Variants in DHX36 observed in about 807,000 individuals in gnomAD.
DHX36 encodes the protein DEAH-box helicase 36.
A neutral mutation model predicts 139.0 loss-of-function variants in DHX36; 50 were observed. That is an observed-to-expected ratio of 0.36 (90% CI 0.29 to 0.46). The LOEUF (loss-of-function observed/expected upper bound fraction) is 0.46. DHX36 is among the 20% of genes least tolerant of loss of function. The pLI is 1.00. For synonymous variants in DHX36, 425 were observed against 401.9 expected (o/e 1.06, Z -0.69); for missense variants, 1,024 against 1,211.3 (o/e 0.85, Z 2.29).
intron 17 of DHX36, among the ~76,000 whole-genome samples, chr3:154,288,147 C>CAAAAAAAAAA (rs34632439): frequency 1.9e-5 from 1 of 53,346 alleles, no homozygotes; most frequent in African/African-American, 7.8e-5. Flanking sequence ...GACTCTGTCT[C>CAAAAAAAAAA]AAAAAAAAAA....
chr3:154,319,785 GGCCCACTTTGATTT>G (rs1038575413), intron 1 of DHX36, among the ~76,000 whole-genome samples: 10 of 152,156 alleles, frequency 6.6e-5, no homozygotes, highest in Admixed American at 1.3e-4. Context: ...AGCATAATTT[GGCCCACTTTGATTT>G]GCCCACTTTG....
In DHX36 at chr3:154,275,603, A is replaced by G. The variant is rs1049699260; in HGVS notation, c.*568T>C. On this transcript the variant is annotated 3_prime_UTR_variant, in exon 25 of 25. Coordinates refer to ENST00000496811, the MANE Select transcript of DHX36 (RefSeq NM_020865.3). Reference sequence around the variant, plus strand: ...TATAAAAAGGGCACGTGTTTTAAAAATAGTAAAAATATCAAATGAACCAAG... The same window carrying G: ...TATAAAAAGGGCACGTGTTTTAAAAGTAGTAAAAATATCAAATGAACCAAG... 3 of 152,690 alleles carry G rather than the reference A, an allele frequency of 2.0e-5. No individual in the cohort carries two copies. Among genetic ancestry groups the G allele is most frequent in the African/African-American group, 7.2e-5 (3 of 41,470 alleles). The allele number at this position is 152,690 out of a possible 1,614,324, so 9.5% of individuals were successfully genotyped here.
At chr3:154,284,709 T>C (rs765145539) in intron 18 of DHX36, 40 bp from the exon 19 acceptor site, 1 of 1,597,984 alleles carries the variant, frequency 6.3e-7, no homozygotes, top group Non-Finnish European at 8.5e-7. Flanking sequence ...ATTGCTCTGA[T>C]GCTATAATGG....
At position 154,275,762 on chromosome 3, in the gene DHX36, G is replaced by C. The variant is rs1040899900; in HGVS notation, c.*409C>G. The C allele has an allele frequency of 6.5e-6, 1 of 153,014 alleles. No homozygotes were observed. Among genetic ancestry groups the C allele is most frequent in the African/African-American group, 2.4e-5 (1 of 41,402 alleles). The allele number at this position is 153,014 out of a possible 1,614,324, so 9.5% of individuals were successfully genotyped here. ...AAGTTTCATTTTAAAAAATGTGGTTGTGTTCAAATTCTTAATTGACACTTG... is the reference window on the plus strand; with the variant it reads ...AAGTTTCATTTTAAAAAATGTGGTTCTGTTCAAATTCTTAATTGACACTTG... On this transcript the variant is annotated 3_prime_UTR_variant, in exon 25 of 25. Transcript: ENST00000496811.
chr3:154,276,598 T>G (rs1045245447), intron 24 of DHX36, 149 bp downstream of exon 24: 30 of 947,440 alleles, frequency 3.2e-5, no homozygotes, highest in Non-Finnish European at 4.4e-5. Context: ...CAAAACACAA[T>G]TCAGAAAAAC....
intron 6 of DHX36, among the ~76,000 whole-genome samples, chr3:154,305,913 T>C (rs1712484294): frequency 1.3e-5 from 2 of 152,276 alleles, no homozygotes; most frequent in South Asian, 4.1e-4. Context: ...ATGGAGGTGG[T>C]ACTGAAAGGT....
intron 1 of DHX36, among the ~76,000 whole-genome samples, chr3:154,323,456 A>AT (rs748238318): frequency 1.3e-5 from 2 of 152,180 alleles, no homozygotes; most frequent in Non-Finnish European, 2.9e-5. Context: ...GATAAAAATT[A>AT]TTTTTTATTA....
chr3:154,297,269 T>A (rs927116720), intron 12 of DHX36, among the ~76,000 whole-genome samples: 41 of 152,206 alleles, frequency 2.7e-4, no homozygotes, highest in African/African-American at 9.6e-4. Flanking sequence ...GGATTAGGTA[T>A]GATAAAGACA....
intron 10 of DHX36, 81 bp downstream of exon 10, chr3:154,300,906 G>T: frequency 6.4e-7 from 1 of 1,554,640 alleles, no homozygotes; most frequent in Non-Finnish European, 8.8e-7. Context: ...AGTACGTACA[G>T]ATTCAAGAAG....
intron 12 of DHX36, among the ~76,000 whole-genome samples, chr3:154,298,453 G>C (rs994034578): frequency 6.6e-6 from 1 of 152,098 alleles, no homozygotes; most frequent in Non-Finnish European, 1.5e-5. Flanking sequence ...ACAGAAAGCA[G>C]TATTTCTTTA....
In DHX36 at chr3:154,299,914, T is replaced by G. The variant is rs1712199156; in HGVS notation, c.1473A>C (p.Ile491=). Residue 491 remains isoleucine, a synonymous_variant, in exon 12 of 25, where the codon ATA becomes ATC. Transcript: ENST00000496811. ...YIVLEEEDGA[I]LVFLPGWDNI... ...TGTCCCAGCCTGGCAGAAAGACCAG[T>G]ATCGCACCATCCTATATGAAGGGGA... The G allele has an allele frequency of 1.9e-6, 3 of 1,611,656 alleles. No individual in the cohort carries two copies.
chr3:154,276,485 A>T, intron 24 of DHX36, 129 bp from the exon 25 acceptor site: 2 of 909,412 alleles, frequency 2.2e-6, no homozygotes, highest in East Asian at 2.6e-5. Flanking sequence ...ACATTTAGTG[A>T]GCAATCAACT....
chr3:154,284,791 G>A (rs1711505150), intron 18 of DHX36, 23 bp downstream of exon 18: 4 of 1,609,780 alleles, frequency 2.5e-6, no homozygotes, highest in African/African-American at 2.7e-5. Flanking sequence ...AAAATAACTC[G>A]GTTTTATTTC....
chr3:154,300,817 T>G (rs1712239641), intron 10 of DHX36, 121 bp from the exon 11 acceptor site: 1 of 1,253,336 alleles, frequency 8.0e-7, no homozygotes, highest in Admixed American at 2.1e-5. Context: ...TCGGAGAGAA[T>G]TACTGGGGTA....
intron 3 of DHX36, among the ~76,000 whole-genome samples, chr3:154,312,560 C>T (rs355778): frequency 0.91 from 137,494 of 151,726 alleles, 62,527 homozygotes; most frequent in East Asian, 1. Flanking sequence ...TGGAAAAAAT[C>T]GGCTGGGTAT....
chr3:154,311,549 T>A (rs541190718), intron 4 of DHX36, 87 bp downstream of exon 4: 1 of 1,084,482 alleles, frequency 9.2e-7, no homozygotes, highest in South Asian at 1.5e-5. Flanking sequence ...AGTTCATTAA[T>A]TTACATTTTT....
Position 154,276,311 on chromosome 3 carries a change from T to C in DHX36, c.2887A>G (p.Ser963Gly). ...LDILLQEKIESPHPVDWNDTK... is the reference protein window; with the variant it reads ...LDILLQEKIEGPHPVDWNDTK... The stretch of plus-strand genomic sequence containing the variant: ...TCATTCCAGTCTACAGGATGAGGAC[T>C]TTCAATCTTCTCTTGCAGAAGAATA... The change falls in exon 25 of 25, where the codon AGT (serine) becomes GGT (glycine). Residue 963 changes from serine (S) to glycine (G), a missense_variant. By Grantham distance (56) the Ser-to-Gly change is moderately conservative. Transcript: ENST00000496811. 6.2e-7 allele frequency: 1 copy of C among 1,613,502 alleles called. No individual in the cohort carries two copies.
In DHX36 at chr3:154,288,147, C is replaced by CAAAA. The variant is rs34632439; in HGVS notation, c.2031+715_2031+718dup. Among the ~76,000 whole-genome samples, 130 of 53,186 alleles carry CAAAA rather than the reference C, an allele frequency of 2.4e-3. 1 individual carries two copies. Among genetic ancestry groups the CAAAA allele is most frequent in the African/African-American group, 6.2e-3 (79 of 12,794 alleles). 34.9% of individuals were successfully genotyped at this position (53,186 alleles called of 152,430 possible). ...TGGGTGACAAAGTGAGACTCTGTCT[C>CAAAA]AAAAAAAAAAAAAAAAAAAAAAGAG... On this transcript the variant is annotated intron_variant, in intron 17 of 24. Transcript: ENST00000496811.
At chr3:154,280,286 A>G (rs529797876) in intron 22 of DHX36, 56 of 272,568 alleles carry the variant, frequency 2.1e-4, no homozygotes, top group Non-Finnish European at 3.5e-4. Flanking sequence ...AGCAATTTTT[A>G]TCCAGCCACT....
Sources: gnomAD v4.1 joint callset for allele counts (sites outside exome capture counted in the v4.1 genomes callset) on GRCh38, gnomAD v4.1.1 for gene constraint, MANE v1.5 for transcripts, NCBI Gene and HGNC (gene_info 2026-07-23, HGNC 2026-07-21) for gene names.